The following ZNF804B variants were observed in gnomAD, a reference collection of about 807,000 sequenced individuals.
ZNF804B encodes the protein zinc finger protein 804B, also known as zinc finger 804B.
ZNF804B carries 80 observed loss-of-function variants against 101.4 expected under a neutral mutation model. The observed-to-expected ratio is 0.79, with a 90% CI of 0.66 to 0.95. The LOEUF is 0.95. Among genes scored for constraint, ZNF804B ranks in the 40% least tolerant of loss-of-function variants. ZNF804B has a pLI of 0.00. For synonymous variants in ZNF804B, 622 were observed against 558.8 expected, an observed-to-expected ratio of 1.11 and a Z score of -1.59; for missense variants, 1,673 against 1,561.9, an observed-to-expected ratio of 1.07 and a Z score of -1.20.
chr7:88,760,041 G>T lies in ZNF804B; in HGVS notation c.65G>T (p.Gly22Val). The T allele has an allele frequency of 6.2e-7, 1 of 1,614,224 alleles. No individual in the cohort carries two copies. The highest frequency in any genetic ancestry group is 8.5e-7 in the Non-Finnish European group (1 of 1,180,038). Residue 22 changes from glycine (G) to valine (V), a missense_variant, in exon 1 of 4, where the codon GGA becomes GTA. Transcript: ENST00000333190. ...LSNGHYRGIK[G>V]VFRGPLCKNG... ...AATGGGCACTACCGGGGCATTAAAG[G>T]AGTCTTCAGGGGACCCCTGTGCAAG...
chr7:89,088,503 T>C (rs1487891781), intron 1 of ZNF804B, among the ~76,000 whole-genome samples: 1 of 151,302 alleles, frequency 6.6e-6, no homozygotes, highest in Non-Finnish European at 1.5e-5. Flanking sequence ...GTATTGTGAG[T>C]CAGATCTATG....
chr7:88,840,318 C>T (rs1429765952), intron 1 of ZNF804B, among the ~76,000 whole-genome samples: 2 of 152,040 alleles, frequency 1.3e-5, no homozygotes, highest in East Asian at 1.9e-4. Flanking sequence ...TGATTGGCAG[C>T]TTATTATTTC....
chr7:89,058,912 T>C lies in ZNF804B; in HGVS notation c.109-159243T>C, dbSNP rs138551800. ...TTTCGCCATGTTGCCCAGGCTGGTCTCTAACTCCTGCGTTCAAGTGATCTT... is the reference window on the plus strand; with the variant it reads ...TTTCGCCATGTTGCCCAGGCTGGTCCCTAACTCCTGCGTTCAAGTGATCTT... On this transcript the variant is annotated intron_variant, in intron 1 of 3. Coordinates refer to ENST00000333190, the MANE Select transcript of ZNF804B (RefSeq NM_181646.5). Among the ~76,000 whole-genome samples, 236 of 152,254 alleles carry C rather than the reference T, an allele frequency of 1.6e-3. 3 individuals carry two copies. Among genetic ancestry groups the C allele is most frequent in the Middle Eastern group, 3.4e-3 (1 of 292 alleles).
intron 2 of ZNF804B, among the ~76,000 whole-genome samples, chr7:89,247,559 A>T (rs1184022108): frequency 6.6e-6 from 1 of 152,158 alleles, no homozygotes; most frequent in Non-Finnish European, 1.5e-5. Flanking sequence ...AGGGAAAGGG[A>T]AATAAAAAAA....
At chr7:89,059,321 C>T (rs1789340804) in intron 1 of ZNF804B, among the ~76,000 whole-genome samples, 1 of 152,194 alleles carries the variant, frequency 6.6e-6, no homozygotes, top group Non-Finnish European at 1.5e-5. Context: ...GGCTCACATT[C>T]TGCAGGCTGT....
intron 1 of ZNF804B, among the ~76,000 whole-genome samples, chr7:89,058,947 G>A (rs1454184723): frequency 2.3e-5 from 1 of 43,222 alleles, no homozygotes; most frequent in Non-Finnish European, 4.2e-5. Context: ...TCGAAGTTTG[G>A]CCTCCTAAAG....
intron 1 of ZNF804B, among the ~76,000 whole-genome samples, chr7:88,916,080 T>A (rs1792629201): frequency 6.6e-6 from 1 of 152,040 alleles, no homozygotes; most frequent in South Asian, 2.1e-4. Flanking sequence ...TCACTTAAAA[T>A]GAAAACTCTT....
intron 1 of ZNF804B, among the ~76,000 whole-genome samples, chr7:89,114,283 T>C (rs867166457): frequency 6.6e-6 from 1 of 152,222 alleles, no homozygotes; most frequent in Non-Finnish European, 1.5e-5. Flanking sequence ...TATGTTTTAC[T>C]TCAAAATTTA....
chr7:88,869,866 T>A (rs986813702), intron 1 of ZNF804B, among the ~76,000 whole-genome samples: 5 of 152,192 alleles, frequency 3.3e-5, no homozygotes, highest in Non-Finnish European at 5.9e-5. Flanking sequence ...CAGCCAAGGC[T>A]TCTTACCTAG....
At chr7:89,232,993 C>T (rs1433119819) in intron 2 of ZNF804B, among the ~76,000 whole-genome samples, 5 of 152,180 alleles carry the variant, frequency 3.3e-5, no homozygotes, top group African/African-American at 9.7e-5. Context: ...GCGATCTCCA[C>T]TCACTGCAAG....
intron 1 of ZNF804B, among the ~76,000 whole-genome samples, chr7:89,029,210 TCTC>T (rs72514572): frequency 0.21 from 31,911 of 151,920 alleles, 3,433 homozygotes; most frequent in East Asian, 0.27. Flanking sequence ...CTCAAGCAAT[TCTC>T]CTGCCTCAGC....
rs148407084 is a variant in ZNF804B at position 89,321,038 on chromosome 7, A to G, written c.250-6306A>G. 2.0e-4 allele frequency among the ~76,000 whole-genome samples: 31 copies of G among 152,334 alleles called. No homozygotes were observed. The East Asian group carries it at 5.4e-3, about 27-fold the overall frequency. ...TTAACATATGATTTTTGAATGCATC[A>G]AGTAAAATAATAAGAAATAGTTTAC... On this transcript the variant is annotated intron_variant, in intron 2 of 3. Coordinates refer to ENST00000333190, the MANE Select transcript of ZNF804B (RefSeq NM_181646.5).
chr7:89,096,957 C>A (rs1429830042), intron 1 of ZNF804B, among the ~76,000 whole-genome samples: 3 of 152,248 alleles, frequency 2.0e-5, no homozygotes, highest in Non-Finnish European at 1.5e-5. Flanking sequence ...TTGAATTATT[C>A]CCTCCCTAGG....
At chr7:88,949,216 G>T (rs1001180368) in intron 1 of ZNF804B, among the ~76,000 whole-genome samples, 1 of 151,724 alleles carries the variant, frequency 6.6e-6, no homozygotes, top group African/African-American at 2.4e-5. Context: ...CTAGTCCAAG[G>T]TTTCTCAACC....
intron 1 of ZNF804B, among the ~76,000 whole-genome samples, chr7:89,150,325 T>C (rs1790854105): frequency 6.6e-6 from 1 of 152,024 alleles, no homozygotes; most frequent in African/African-American, 2.4e-5. Context: ...TAATATGTAT[T>C]GTTGCCCCAC....
rs184804332 is a variant in ZNF804B at position 88,940,528 on chromosome 7, T to G, written c.108+180444T>G. 3.7e-3 allele frequency among the ~76,000 whole-genome samples: 569 copies of G among 151,848 alleles called. 5 individuals carry two copies. The highest frequency in any genetic ancestry group is 0.013 in the African/African-American group (542 of 41,490). On this transcript the variant is annotated intron_variant, in intron 1 of 3. Coordinates refer to ENST00000333190, the MANE Select transcript of ZNF804B (RefSeq NM_181646.5). ...GGCTCACGCCTATAACCCTAACAGT[T>G]TGAGGACGAGGCAGGAGGATTGCTT...
chr7:89,239,739 C>T (rs900796447), intron 2 of ZNF804B, among the ~76,000 whole-genome samples: 9 of 151,702 alleles, frequency 5.9e-5, no homozygotes, highest in East Asian at 1.9e-4. Flanking sequence ...ATAGAAGTTT[C>T]GCCTATAATT....
chr7:88,982,807 C>T lies in ZNF804B; in HGVS notation c.108+222723C>T, dbSNP rs189792633. On this transcript the variant is annotated intron_variant, in intron 1 of 3. Coordinates refer to ENST00000333190, the MANE Select transcript of ZNF804B (RefSeq NM_181646.5). Reference sequence around the variant, plus strand: ...GTATTCCCAGAAACAGCACAACCCACCTTGGCTCCTCTGCCAGAGTGACTC... The same window carrying T: ...GTATTCCCAGAAACAGCACAACCCATCTTGGCTCCTCTGCCAGAGTGACTC... Among the ~76,000 whole-genome samples, 9 of 152,116 alleles carry T rather than the reference C, an allele frequency of 5.9e-5. No individual in the cohort carries two copies. The East Asian group carries it at 1.2e-3, about 20-fold the overall frequency.
intron 1 of ZNF804B, among the ~76,000 whole-genome samples, chr7:88,911,011 G>A (rs1009548040): frequency 2.0e-5 from 3 of 151,872 alleles, no homozygotes; most frequent in Admixed American, 6.6e-5. Flanking sequence ...GAAATAAGAG[G>A]GTGGTCAAAT....
Sources: gnomAD v4.1 joint callset for allele counts (sites outside exome capture counted in the v4.1 genomes callset) on GRCh38, gnomAD v4.1.1 for gene constraint, MANE v1.5 for transcripts, NCBI Gene and HGNC (gene_info 2026-07-23, HGNC 2026-07-21) for gene names.